The following PALLD variants were observed in gnomAD, a reference collection of about 807,000 sequenced individuals.
PALLD encodes the protein palladin.
In PALLD, 61 loss-of-function variants were observed where a neutral mutation model predicts 123.5. The ratio of observed to expected loss-of-function variants is 0.49; its 90% CI spans 0.40 to 0.61. The LOEUF (loss-of-function observed/expected upper bound fraction) is 0.61, where lower values mean the gene tolerates loss of function less well. Among genes scored for constraint, PALLD ranks in the 20% least tolerant of loss-of-function variants. The pLI is 0.00. For synonymous variants in PALLD, 465 were observed against 496.4 expected, an observed-to-expected ratio of 0.94 and a Z score of 0.84; for missense variants, 1,273 against 1,377.0, an observed-to-expected ratio of 0.92 and a Z score of 1.20.
In PALLD at chr4:168,878,405, G is replaced by A. The variant is rs1401369673; in HGVS notation, c.1965-12517G>A. 5.4e-6 allele frequency: 8 copies of A among 1,473,218 alleles called. No homozygotes were observed. In the South Asian group the frequency reaches 7.9e-5, roughly 15 times the overall value. The allele number at this position is 1,473,218 out of a possible 1,614,324, so 91.3% of individuals were successfully genotyped here. On this transcript the variant is annotated intron_variant, in intron 10 of 21. Coordinates refer to ENST00000505667, the MANE Select transcript of PALLD (RefSeq NM_001166108.2). Reference sequence around the variant, plus strand: ...GGGTGTCACCCCCGCGTGAGTAACCGCCGCGGTCCTCCACTTCCCTGCCCC... The same window carrying A: ...GGGTGTCACCCCCGCGTGAGTAACCACCGCGGTCCTCCACTTCCCTGCCCC...
At chr4:168,566,197 C>G (rs1481060674) in intron 2 of PALLD, among the ~76,000 whole-genome samples, 1 of 137,638 alleles carries the variant, frequency 7.3e-6, no homozygotes, top group African/African-American at 2.5e-5. Flanking sequence ...CCAAACTCAG[C>G]TTACCTTCTT....
chr4:168,546,960 C>T (rs1766196054), intron 2 of PALLD, among the ~76,000 whole-genome samples: 2 of 152,148 alleles, frequency 1.3e-5, no homozygotes, highest in Non-Finnish European at 1.5e-5. Context: ...AGCTGTATTT[C>T]ATAATTTTTT....
chr4:168,638,675 C>T lies in PALLD; in HGVS notation c.909-29515C>T, dbSNP rs554191600. Reference sequence around the variant, plus strand: ...CCACTTTCTGGTTCATAGATGGTGCCTTCTTGCTGTGATCTCACGTATTGG... The same window carrying T: ...CCACTTTCTGGTTCATAGATGGTGCTTTCTTGCTGTGATCTCACGTATTGG... On this transcript the variant is annotated intron_variant, in intron 2 of 21. Transcript: ENST00000505667. Among the ~76,000 whole-genome samples the T allele has an allele frequency of 1.2e-3, 188 of 152,252 alleles. 1 individual carries two copies. The highest frequency in any genetic ancestry group is 4.3e-3 in the African/African-American group (180 of 41,552).
intron 2 of PALLD, among the ~76,000 whole-genome samples, chr4:168,622,520 C>CT (rs1774861858): frequency 6.6e-6 from 1 of 152,152 alleles, no homozygotes; most frequent in Non-Finnish European, 1.5e-5. Context: ...GTATTTCCCC[C>CT]TTTTTTCTTT....
Position 168,625,502 on chromosome 4 carries a change from G to GATAGATAGATATATATATAT in PALLD, c.909-42685_909-42684insGATAGATATATATATATATA. 2.0e-3 allele frequency among the ~76,000 whole-genome samples: 225 copies of GATAGATAGATATATATATAT among 114,462 alleles called. 7 individuals carry two copies. Among genetic ancestry groups the GATAGATAGATATATATATAT allele is most frequent in the African/African-American group, 1.9e-3 (56 of 30,026 alleles). The allele number at this position is 114,462 out of a possible 152,430, so 75.1% of individuals were successfully genotyped here. On this transcript the variant is annotated intron_variant, in intron 2 of 21. Transcript: ENST00000505667. ...TCCAATAAGGGATTAATATCCAGGAGATATATATATATATATCCTATAAGG... is the reference window on the plus strand; with the variant it reads ...TCCAATAAGGGATTAATATCCAGGAGATAGATAGATATATATATATATATATATATATATATCCTATAAGG...
At chr4:168,856,410 C>T (rs999446401) in intron 10 of PALLD, among the ~76,000 whole-genome samples, 1 of 152,122 alleles carries the variant, frequency 6.6e-6, no homozygotes, top group Non-Finnish European at 1.5e-5. Flanking sequence ...ATTTTTAGAA[C>T]TTTGAGAAAT....
intron 2 of PALLD, among the ~76,000 whole-genome samples, chr4:168,588,461 T>A (rs10029899): frequency 0.014 from 2,180 of 152,180 alleles, 50 homozygotes; most frequent in African/African-American, 0.05. Context: ...TGGAGTGCAG[T>A]GGCGTGCTCA....
chr4:168,803,859 G>T (rs781307933), intron 10 of PALLD, among the ~76,000 whole-genome samples: 1 of 152,154 alleles, frequency 6.6e-6, no homozygotes, highest in Non-Finnish European at 1.5e-5. Context: ...AACGGTGTAT[G>T]AAGTGTGTTG....
Position 168,927,079 on chromosome 4 carries a change from T to A in PALLD, c.*899T>A, listed in dbSNP as rs1373620081. On this transcript the variant is annotated 3_prime_UTR_variant, in exon 22 of 22. Coordinates refer to ENST00000505667, the MANE Select transcript of PALLD (RefSeq NM_001166108.2). ...TACAAACCATATTAAAAGGCTAATT[T>A]AAATATAAATAATATAAAGTGCTCT... is the stretch of plus-strand genomic sequence containing the variant. The A allele has an allele frequency of 1.4e-5, 3 of 220,920 alleles. No individual in the cohort carries two copies. Among genetic ancestry groups the A allele is most frequent in the African/African-American group, 6.7e-5 (3 of 44,624 alleles). 13.7% of individuals were successfully genotyped at this position (220,920 alleles called of 1,614,324 possible). A position where few individuals can be genotyped will look rare whatever the true frequency, so the allele number is the denominator to read the frequency against.
intron 10 of PALLD, among the ~76,000 whole-genome samples, chr4:168,849,696 C>G (rs1246504220): frequency 6.6e-6 from 1 of 151,992 alleles, no homozygotes; most frequent in Admixed American, 6.5e-5. Flanking sequence ...ACATTTATAA[C>G]CTCACTTAAA....
At chr4:168,878,847 G>A (rs1194053022) in intron 10 of PALLD, among the ~76,000 whole-genome samples, 1 of 152,102 alleles carries the variant, frequency 6.6e-6, no homozygotes, top group Non-Finnish European at 1.5e-5. Flanking sequence ...CCACTAAACC[G>A]AGACACGAAT....
At chr4:168,875,296 G>C (rs964441067) in intron 10 of PALLD, among the ~76,000 whole-genome samples, 14 of 151,894 alleles carry the variant, frequency 9.2e-5, no homozygotes, top group African/African-American at 3.4e-4. Flanking sequence ...TTGCCTTTCT[G>C]GTACCTTTCA....
At chr4:168,566,486 C>T (rs1001398635) in intron 2 of PALLD, among the ~76,000 whole-genome samples, 7 of 152,014 alleles carry the variant, frequency 4.6e-5, no homozygotes, top group East Asian at 3.9e-4. Flanking sequence ...TTTGTCGAGA[C>T]GGGGTCTCCC....
intron 2 of PALLD, among the ~76,000 whole-genome samples, chr4:168,582,323 G>T (rs558295231): frequency 2.0e-4 from 30 of 152,180 alleles, no homozygotes; most frequent in Non-Finnish European, 4.0e-4. Flanking sequence ...TGTTGACTTT[G>T]TATCCTGCTA....
At chr4:168,523,037 T>G (rs1353221184) in intron 2 of PALLD, among the ~76,000 whole-genome samples, 1 of 152,174 alleles carries the variant, frequency 6.6e-6, no homozygotes, top group Non-Finnish European at 1.5e-5. Flanking sequence ...GTTTATATGA[T>G]CCACATGTTG....
chr4:168,612,423 G>A (rs990334797), intron 2 of PALLD, among the ~76,000 whole-genome samples: 5 of 152,024 alleles, frequency 3.3e-5, no homozygotes, highest in South Asian at 2.1e-4. Context: ...TTTCTGATTC[G>A]TGGATGATCA....
chr4:168,687,741 A>G (rs1211452919), intron 6 of PALLD, among the ~76,000 whole-genome samples: 1 of 152,270 alleles, frequency 6.6e-6, no homozygotes, highest in Admixed American at 6.5e-5. Flanking sequence ...CTTGCAATCC[A>G]GCTCCCGCAA....
At chr4:168,632,846 T>A (rs1775969468) in intron 2 of PALLD, among the ~76,000 whole-genome samples, 1 of 152,194 alleles carries the variant, frequency 6.6e-6, no homozygotes, top group African/African-American at 2.4e-5. Flanking sequence ...CTATTTGCAT[T>A]ACAAGCATAG....
At chr4:168,550,022 T>C (rs887156691) in intron 2 of PALLD, among the ~76,000 whole-genome samples, 5 of 152,194 alleles carry the variant, frequency 3.3e-5, no homozygotes, top group African/African-American at 1.2e-4. Context: ...ATTTTACAAA[T>C]AGAAAATAAA....
Sources: gnomAD v4.1 joint callset for allele counts (sites outside exome capture counted in the v4.1 genomes callset) on GRCh38, gnomAD v4.1.1 for gene constraint, MANE v1.5 for transcripts, NCBI Gene and HGNC (gene_info 2026-07-23, HGNC 2026-07-21) for gene names.